Variants in CD44 observed in about 807,000 individuals in gnomAD.
CD44 encodes CD44 molecule (IN blood group), also known as CD44 antigen.
Under a neutral mutation model 88.8 loss-of-function variants are expected in CD44, and 49 were observed. That is an observed-to-expected ratio of 0.55 (90% confidence interval 0.44 to 0.70). The LOEUF (loss-of-function observed/expected upper bound fraction) is 0.70, where lower values mean the gene tolerates loss of function less well. Ranked by LOEUF, CD44 falls within the 30% of genes least tolerant of loss-of-function variation. The pLI, the probability that CD44 is intolerant of heterozygous loss-of-function variation, is 0.00. For synonymous variants in CD44, 325 were observed against 312.3 expected (o/e 1.04, Z -0.43); for missense variants, 883 against 913.8 (o/e 0.97, Z 0.43).
At chr11:35,225,252 A>G (rs1032043600) in intron 17 of CD44, among the ~76,000 whole-genome samples, 3 of 152,178 alleles carry the variant, frequency 2.0e-5, no homozygotes, top group African/African-American at 7.2e-5. Context: ...ATCCCTAAAT[A>G]TCGTTAAGGA....
intron 14 of CD44, among the ~76,000 whole-genome samples, chr11:35,214,468 C>G (rs961551889): frequency 9.9e-5 from 15 of 152,084 alleles, no homozygotes; most frequent in Non-Finnish European, 1.5e-4. Context: ...TCATATTGTC[C>G]TTATTTAAAA....
chr11:35,190,903 A>C (rs1791487272), intron 5 of CD44, among the ~76,000 whole-genome samples: 1 of 152,184 alleles, frequency 6.6e-6, no homozygotes, highest in Admixed American at 6.5e-5. Flanking sequence ...ATTGCGTTCC[A>C]TTCCTTTGGA....
intron 1 of CD44, among the ~76,000 whole-genome samples, chr11:35,165,742 A>G (rs1398378027): frequency 6.6e-6 from 1 of 152,176 alleles, no homozygotes; most frequent in East Asian, 1.9e-4. Context: ...TGGGGGAGCT[A>G]CAGGGAGTTA....
intron 17 of CD44, chr11:35,222,903 G>A: frequency 1.0e-6 from 1 of 985,228 alleles, no homozygotes; most frequent in East Asian, 1.1e-4. Context: ...CTCAGTCTGG[G>A]AGAAGACCTA....
chr11:35,196,931 T>C lies in CD44; in HGVS notation c.796+57T>C. On this transcript the variant is annotated intron_variant, in intron 6 of 17. Transcript: ENST00000428726. ...TTTTCTTGACAGCCTTGAATAATTTTGATTGACCTCTGGGATGTTATTAAA... is the reference window on the plus strand; with the variant it reads ...TTTTCTTGACAGCCTTGAATAATTTCGATTGACCTCTGGGATGTTATTAAA... 2.5e-6 allele frequency: 4 copies of C among 1,568,920 alleles called. No homozygotes were observed. In the South Asian group the frequency reaches 4.5e-5, roughly 18 times the overall value.
chr11:35,151,765 C>G (rs1271298224), intron 1 of CD44, among the ~76,000 whole-genome samples: 1 of 152,226 alleles, frequency 6.6e-6, no homozygotes, highest in Non-Finnish European at 1.5e-5. Flanking sequence ...GCTAGCCATA[C>G]TATAGACTCT....
At chr11:35,139,463 GA>G in intron 1 of CD44, 93 bp downstream of exon 1, 2 of 1,137,308 alleles carry the variant, frequency 1.8e-6, no homozygotes, top group East Asian at 5.0e-5. Context: ...GGCCCTGGGG[GA>G]CTGGAGTCAA....
chr11:35,227,801 G>T (rs1949807393), intron 17 of CD44, among the ~76,000 whole-genome samples: 1 of 152,190 alleles, frequency 6.6e-6, no homozygotes, highest in East Asian at 1.9e-4. Flanking sequence ...TCTCCAGAGG[G>T]CTGGCAGCAT....
intron 1 of CD44, among the ~76,000 whole-genome samples, chr11:35,174,877 G>A (rs190175524): frequency 6.6e-6 from 1 of 152,326 alleles, no homozygotes; most frequent in African/African-American, 2.4e-5. Flanking sequence ...ACAGCTGCAA[G>A]CAAGTAAAAG....
chr11:35,224,866 C>T (rs1252161761), intron 17 of CD44, among the ~76,000 whole-genome samples: 1 of 152,160 alleles, frequency 6.6e-6, no homozygotes, highest in Non-Finnish European at 1.5e-5. Flanking sequence ...TGGGAATAAT[C>T]GTCTTTTCTA....
At chr11:35,190,235 A>G (rs1010866498) in intron 5 of CD44, 170 bp downstream of exon 5, 2 of 623,968 alleles carry the variant, frequency 3.2e-6, no homozygotes, top group South Asian at 1.9e-5. Context: ...AACTGCCTGC[A>G]TTGACTACTA....
At chr11:35,204,454 A>G in intron 9 of CD44, 58 bp from the exon 10 acceptor site, 1 of 1,566,266 alleles carries the variant, frequency 6.4e-7, no homozygotes, top group South Asian at 1.1e-5. Flanking sequence ...AGATATGTTG[A>G]CAGCTATTGG....
intron 3 of CD44, among the ~76,000 whole-genome samples, chr11:35,183,825 A>G (rs999908112): frequency 3.3e-5 from 5 of 152,162 alleles, no homozygotes; most frequent in Admixed American, 3.3e-4. Context: ...TTTTCTTTTG[A>G]GGGTAGAATT....
intron 3 of CD44, among the ~76,000 whole-genome samples, chr11:35,186,054 GAA>G (rs11478829): frequency 6.7e-6 from 1 of 150,138 alleles, no homozygotes; most frequent in Admixed American, 6.6e-5. Flanking sequence ...GAGAACAAGA[GAA>G]AAAAAAAACC....
chr11:35,228,024 T>C (rs748160511), intron 17 of CD44, among the ~76,000 whole-genome samples: 1 of 152,190 alleles, frequency 6.6e-6, no homozygotes, highest in East Asian at 1.9e-4. Context: ...ATTCAGGAGG[T>C]AATCTGCTTC....
chr11:35,178,846 A>T (rs1307923895), intron 2 of CD44, among the ~76,000 whole-genome samples: 1 of 152,190 alleles, frequency 6.6e-6, no homozygotes, highest in Non-Finnish European at 1.5e-5. Flanking sequence ...TTTCACCCAT[A>T]ACTGGTATTA....
intron 1 of CD44, among the ~76,000 whole-genome samples, chr11:35,146,796 T>C (rs565942720): frequency 2.0e-5 from 3 of 152,356 alleles, no homozygotes; most frequent in African/African-American, 4.8e-5. Context: ...CTGGAAGTAC[T>C]GTAGTTGTTT....
In CD44 at chr11:35,204,600, A is replaced by G; in HGVS notation, c.1242A>G (p.Gln414=). 6.2e-7 allele frequency: 1 copy of G among 1,613,442 alleles called. No individual in the cohort carries two copies. The highest frequency in any genetic ancestry group is 8.5e-7 in the Non-Finnish European group (1 of 1,179,438). ...FGNRWHEGYR[Q]TPKEDSHSTT... ...ACAGATGGCATGAGGGATATCGCCAAACACCCAAAGAAGACTCCCATTCGA... is the reference window on the plus strand; with the variant it reads ...ACAGATGGCATGAGGGATATCGCCAGACACCCAAAGAAGACTCCCATTCGA... The change falls in exon 10 of 18, where the codon CAA becomes CAG. Residue 414 remains glutamine, a synonymous_variant. Transcript: ENST00000428726.
intron 17 of CD44, among the ~76,000 whole-genome samples, chr11:35,226,880 CTTTTTTTTTTT>C (rs367551052): frequency 1.9e-5 from 2 of 106,212 alleles, no homozygotes; most frequent in Non-Finnish European, 1.8e-5. Context: ...TTCTTTTTTC[CTTTTTTTTTTT>C]TTTTTTTTTT....
Sources: gnomAD v4.1 joint callset for allele counts (sites outside exome capture counted in the v4.1 genomes callset) on GRCh38, gnomAD v4.1.1 for gene constraint, MANE v1.5 for transcripts, NCBI Gene and HGNC (gene_info 2026-07-23, HGNC 2026-07-21) for gene names.